Variants in ELAPOR2 observed in about 807,000 individuals in gnomAD.
The protein encoded by ELAPOR2 is endosome/lysosome-associated apoptosis and autophagy regulator family member 2.
In ELAPOR2, 89 loss-of-function variants were observed where a neutral mutation model predicts 120.7. The ratio of observed to expected loss-of-function variants is 0.74; its 90% CI spans 0.62 to 0.88. The LOEUF (loss-of-function observed/expected upper bound fraction) is 0.88, where lower values mean the gene tolerates loss of function less well. Among genes scored for constraint, ELAPOR2 ranks in the 40% least tolerant of loss-of-function variants. The probability of loss-of-function intolerance (pLI) is 0.00; values close to 1 mark genes in which losing one functional copy is unlikely to be tolerated. For synonymous variants in ELAPOR2, 444 were observed against 444.9 expected, an observed-to-expected ratio of 1.00 and a Z score of 0.03; for missense variants, 1,134 against 1,251.6, an observed-to-expected ratio of 0.91 and a Z score of 1.42.
At chr7:86,926,712 T>A (rs182712066) in intron 9 of ELAPOR2, 24 bp downstream of exon 9, 2 of 1,585,538 alleles carry the variant, frequency 1.3e-6, no homozygotes, top group East Asian at 4.5e-5. Flanking sequence ...AAAGGCCCAG[T>A]TATTGGACCA....
intron 8 of ELAPOR2, among the ~76,000 whole-genome samples, chr7:86,927,983 A>G (rs1283617817): frequency 2.0e-5 from 3 of 152,064 alleles, no homozygotes. Flanking sequence ...AAAATCATGT[A>G]TAATAACTCC....
In ELAPOR2 at chr7:86,938,686, C is replaced by G. The variant is rs1790672030; in HGVS notation, c.1000+122G>C. 3.3e-6 allele frequency: 3 copies of G among 907,202 alleles called. No individual in the cohort carries two copies. The South Asian group carries it at 4.7e-5, about 14-fold the overall frequency. 56.2% of individuals were successfully genotyped at this position (907,202 alleles called of 1,614,324 possible). ...ATTTTATCCATTCAACATCAATTCA[C>G]TCCAGCACTTTGGTTTCAGGCACCA... is the stretch of plus-strand genomic sequence containing the variant. On this transcript the variant is annotated intron_variant, in intron 7 of 21. Transcript: ENST00000450689.
chr7:87,029,074 C>A (rs1355617030), intron 1 of ELAPOR2, among the ~76,000 whole-genome samples: 1 of 152,164 alleles, frequency 6.6e-6, no homozygotes, highest in African/African-American at 2.4e-5. Flanking sequence ...CATCCCTATA[C>A]CCTCAGCTCC....
intron 1 of ELAPOR2, among the ~76,000 whole-genome samples, chr7:87,034,261 C>A (rs111754560): frequency 6.6e-6 from 1 of 151,930 alleles, no homozygotes; most frequent in African/African-American, 2.4e-5. Context: ...GAAGATGCGG[C>A]GGTTCAAGCT....
chr7:86,903,312 G>T (rs1788806431), intron 18 of ELAPOR2, among the ~76,000 whole-genome samples: 1 of 152,068 alleles, frequency 6.6e-6, no homozygotes, highest in Non-Finnish European at 1.5e-5. Context: ...TTTCACTTAT[G>T]CTCATAATGC....
chr7:86,919,364 A>G lies in ELAPOR2; in HGVS notation c.1400-54T>C. On this transcript the variant is annotated intron_variant, in intron 10 of 21. Coordinates refer to ENST00000450689, the MANE Select transcript of ELAPOR2 (RefSeq NM_001142749.3). Reference sequence around the variant, plus strand: ...ATAAAAATTCCATTAATGATCTCCAACAATCTGTTTAAATAAGGTAAAAAT... The same window carrying G: ...ATAAAAATTCCATTAATGATCTCCAGCAATCTGTTTAAATAAGGTAAAAAT... 3 of 1,079,944 alleles carry G rather than the reference A, an allele frequency of 2.8e-6. No individual in the cohort carries two copies. In the South Asian group the frequency reaches 4.4e-5, roughly 16 times the overall value. 66.9% of individuals were successfully genotyped at this position (1,079,944 alleles called of 1,614,324 possible). A position where few individuals can be genotyped will look rare whatever the true frequency, so the allele number is the denominator to read the frequency against.
Position 87,009,479 on chromosome 7 carries a change from C to G in ELAPOR2, c.190-44455G>C, listed in dbSNP as rs113768945. Among the ~76,000 whole-genome samples, 1,124 of 152,246 alleles carry G rather than the reference C, an allele frequency of 7.4e-3. 11 individuals are homozygous for G. Among genetic ancestry groups the G allele is most frequent in the African/African-American group, 0.026 (1,072 of 41,530 alleles). On this transcript the variant is annotated intron_variant, in intron 1 of 21. Coordinates refer to ENST00000450689, the MANE Select transcript of ELAPOR2 (RefSeq NM_001142749.3). The stretch of plus-strand genomic sequence containing the variant: ...AGAGTAAGAGAAAATACTTGAAAAA[C>G]AGTTTGAGGCCAGATCATTGAAGAG...
intron 1 of ELAPOR2, among the ~76,000 whole-genome samples, chr7:87,007,259 G>C (rs1240397383): frequency 6.6e-6 from 1 of 152,144 alleles, no homozygotes; most frequent in Non-Finnish European, 1.5e-5. Flanking sequence ...GCAGTGGTAT[G>C]GGCCAACAAT....
intron 8 of ELAPOR2, among the ~76,000 whole-genome samples, chr7:86,928,855 CTT>C (rs1055073909): frequency 6.6e-6 from 1 of 151,960 alleles, no homozygotes; most frequent in African/African-American, 2.4e-5. Flanking sequence ...TACAAAGCCT[CTT>C]GTTTCACATG....
intron 17 of ELAPOR2, among the ~76,000 whole-genome samples, chr7:86,908,068 G>A (rs1479042603): frequency 6.6e-6 from 1 of 151,202 alleles, no homozygotes; most frequent in Non-Finnish European, 1.5e-5. Flanking sequence ...TGTCTACTTA[G>A]GCCAATGCTT....
intron 1 of ELAPOR2, among the ~76,000 whole-genome samples, chr7:87,002,366 T>C (rs1332467758): frequency 6.6e-6 from 1 of 152,164 alleles, no homozygotes; most frequent in Non-Finnish European, 1.5e-5. Context: ...TAGGGCACAG[T>C]TGGCTTCTGC....
chr7:86,910,994 A>C (rs1789278651), intron 15 of ELAPOR2, among the ~76,000 whole-genome samples: 1 of 152,100 alleles, frequency 6.6e-6, no homozygotes, highest in South Asian at 2.1e-4. Context: ...GAGAAAAGGT[A>C]CTGGGGAAAG....
chr7:86,973,547 T>C (rs1043544390), intron 1 of ELAPOR2, among the ~76,000 whole-genome samples: 4 of 152,032 alleles, frequency 2.6e-5, no homozygotes, highest in Admixed American at 2.0e-4. Flanking sequence ...TCAATACCTA[T>C]CCTGCACCCT....
At chr7:87,042,256 T>G (rs868068663) in intron 1 of ELAPOR2, among the ~76,000 whole-genome samples, 2 of 151,068 alleles carry the variant, frequency 1.3e-5, no homozygotes, top group Non-Finnish European at 2.9e-5. Flanking sequence ...CTGCACCAAG[T>G]GGACCTAATA....
rs1795365448 is a variant in ELAPOR2 at position 87,059,450 on chromosome 7, G to T, written c.64C>A (p.Arg22Ser). The change falls in exon 1 of 22, where the codon CGC (arginine) becomes AGC (serine). Residue 22 changes from arginine (R) to serine (S), a missense_variant. Physicochemically the swap from Arg to Ser is moderately radical, Grantham distance 110. Around this residue, in one of 3 missense-constraint regions of ELAPOR2, gnomAD observed 280 missense variants for 331.5 expected, o/e 0.84. Transcript: ENST00000450689. ...RGWGRPAEAP[R>S]RGRSPPWSPA... ...CTCCAGGGCGGCGAGCGCCCGCGGC[G>T]GGGAGCCTCCGCCGGCCGCCCCCAG... 2.4e-6 allele frequency: 3 copies of T among 1,227,094 alleles called. No homozygotes were observed. The highest frequency in any genetic ancestry group is 4.1e-5 in the South Asian group (1 of 24,264). 76.0% of individuals were successfully genotyped at this position (1,227,094 alleles called of 1,614,324 possible).
rs1583997634 is a variant in ELAPOR2 at position 87,017,400 on chromosome 7, C to T, written c.189+41925G>A. On this transcript the variant is annotated intron_variant, in intron 1 of 21. Transcript: ENST00000450689. ...ACACAGTGGAATTCTGTACTTATTT[C>T]AAATTGTATACATCTGCCCCTGACT... Among the ~76,000 whole-genome samples the T allele has an allele frequency of 3.9e-5, 6 of 152,196 alleles. 1 individual carries two copies. The highest frequency in any genetic ancestry group is 3.9e-4 in the Admixed American group (6 of 15,284).
At chr7:87,004,095 GC>G (rs1793399595) in intron 1 of ELAPOR2, among the ~76,000 whole-genome samples, 1 of 152,120 alleles carries the variant, frequency 6.6e-6, no homozygotes, top group Non-Finnish European at 1.5e-5. Context: ...CATATTAACA[GC>G]ATCGAGTCCT....
Position 86,911,856 on chromosome 7 carries a change from A to G in ELAPOR2, c.2169+216T>C, listed in dbSNP as rs376287441. 2.2e-4 allele frequency: 132 copies of G among 593,686 alleles called. No homozygotes were observed. In the African/African-American group the frequency reaches 2.3e-3, roughly 11 times the overall value. 36.8% of individuals were successfully genotyped at this position (593,686 alleles called of 1,614,324 possible). ...CAAGCTTCAGGTTTCAACTGACTGC[A>G]TAAGTGATTTGATACACTGAGAACC... On this transcript the variant is annotated intron_variant, in intron 15 of 21. Coordinates refer to ENST00000450689, the MANE Select transcript of ELAPOR2 (RefSeq NM_001142749.3).
chr7:87,056,596 T>C lies in ELAPOR2; in HGVS notation c.189+2729A>G, dbSNP rs181252336. The stretch of plus-strand genomic sequence containing the variant: ...GAACATTCCAACACAATAACTTTTC[T>C]CCCCCTTTCGACTTCATAATCCAAA... On this transcript the variant is annotated intron_variant, in intron 1 of 21. Coordinates refer to ENST00000450689, the MANE Select transcript of ELAPOR2 (RefSeq NM_001142749.3). 6.6e-5 allele frequency among the ~76,000 whole-genome samples: 10 copies of C among 152,282 alleles called. No individual in the cohort carries two copies. The East Asian group carries it at 1.9e-3, about 29-fold the overall frequency.
Sources: allele counts gnomAD v4.1 joint callset (sites outside exome capture counted in the v4.1 genomes callset), GRCh38; gene constraint gnomAD v4.1.1; regional missense constraint gnomAD v4.1.1; transcripts MANE v1.5; gene names NCBI Gene and HGNC (gene_info 2026-07-23, HGNC 2026-07-21).